R3HDM2: variants seen among roughly 807,000 people sequenced by gnomAD.
R3HDM2 encodes the protein R3H domain containing 2.
A neutral mutation model predicts 124.5 loss-of-function variants in R3HDM2; 38 were observed. The observed-to-expected ratio is 0.31, with a 90% CI of 0.24 to 0.40. R3HDM2 has a LOEUF of 0.40. Ranked by LOEUF, R3HDM2 falls within the 10% of genes least tolerant of loss-of-function variation. R3HDM2 has a pLI of 1.00. For missense variants in R3HDM2, 869 were observed against 1,236.9 expected (o/e 0.70, Z 4.46); for synonymous variants, 391 against 448.0 (o/e 0.87, Z 1.61).
chr12:57,386,227 T>C (rs767656578), intron 2 of R3HDM2, among the ~76,000 whole-genome samples: 20 of 152,188 alleles, frequency 1.3e-4, no homozygotes, highest in Non-Finnish European at 2.6e-4. Context: ...GAGGAGCCCT[T>C]CAGCCCACCG....
chr12:57,418,060 C>T, intron 1 of R3HDM2: 1 of 638,134 alleles, frequency 1.6e-6, no homozygotes, highest in Non-Finnish European at 1.9e-6. Context: ...CACTCCAGAT[C>T]CATTTAGACA....
At chr12:57,415,279 TA>T (rs1203462708) in intron 1 of R3HDM2, 1 of 152,106 alleles carries the variant, frequency 6.6e-6, no homozygotes, top group African/African-American at 2.4e-5. Context: ...AAAATCAACA[TA>T]TTCAAAGCAC....
At position 57,348,711 on chromosome 12, in the gene R3HDM2, AAAAAAAAAAAG is replaced by A. The variant is rs1329264507; in HGVS notation, c.-35-38259_-35-38249del. ...TCCGTCTCAAAAAAAAAAAAAAAAA[AAAAAAAAAAAG>A]AGAGAGAAAAATTAGCCAGGCATGG... On this transcript the variant is annotated intron_variant, in intron 2 of 23. Transcript: ENST00000402412. Among the ~76,000 whole-genome samples, 289 of 44,092 alleles carry A rather than the reference AAAAAAAAAAAG, an allele frequency of 6.6e-3. 17 individuals carry two copies. In the East Asian group the frequency reaches 0.26, roughly 40 times the overall value. 28.9% of individuals were successfully genotyped at this position (44,092 alleles called of 152,430 possible).
intron 15 of R3HDM2, 113 bp downstream of exon 15, chr12:57,269,639 T>C (rs2043170715): frequency 6.6e-7 from 1 of 1,507,618 alleles, no homozygotes; most frequent in African/African-American, 1.4e-5. Flanking sequence ...AACTCTCAAG[T>C]GCAAGGTAGG....
chr12:57,283,397 G>T (rs1207746183), intron 13 of R3HDM2, among the ~76,000 whole-genome samples: 1 of 152,008 alleles, frequency 6.6e-6, no homozygotes, highest in Admixed American at 6.6e-5. Flanking sequence ...CCCTTCCCCT[G>T]GCTGTATTAG....
At chr12:57,315,269 C>T (rs1253535487) in intron 2 of R3HDM2, among the ~76,000 whole-genome samples, 2 of 152,110 alleles carry the variant, frequency 1.3e-5, no homozygotes, top group Non-Finnish European at 2.9e-5. Flanking sequence ...AACTCCTGAC[C>T]TCAGGTGATC....
intron 18 of R3HDM2, among the ~76,000 whole-genome samples, chr12:57,267,636 T>A (rs2042771789): frequency 6.6e-6 from 1 of 152,034 alleles, no homozygotes; most frequent in Admixed American, 6.6e-5. Context: ...CAAAACAACC[T>A]GGAGACATAT....
At chr12:57,425,314 A>G (rs1190692343) in intron 1 of R3HDM2, among the ~76,000 whole-genome samples, 2 of 152,166 alleles carry the variant, frequency 1.3e-5, no homozygotes, top group Non-Finnish European at 2.9e-5. Flanking sequence ...AACTACTAAT[A>G]TAATTCTAGA....
At chr12:57,324,027 A>G (rs371255408) in intron 2 of R3HDM2, among the ~76,000 whole-genome samples, 11 of 150,906 alleles carry the variant, frequency 7.3e-5, no homozygotes, top group African/African-American at 2.5e-4. Context: ...CCCAGAGAAG[A>G]TATCTGGAAA....
chr12:57,430,482 C>CG, intron 1 of R3HDM2: 1 of 811,370 alleles, frequency 1.2e-6, no homozygotes, highest in Non-Finnish European at 1.5e-6. Flanking sequence ...GGTGGCGCCA[C>CG]CCCCCTGCCC....
At chr12:57,331,353 C>T (rs2058162460) in intron 2 of R3HDM2, among the ~76,000 whole-genome samples, 1 of 152,172 alleles carries the variant, frequency 6.6e-6, no homozygotes, top group Non-Finnish European at 1.5e-5. Context: ...TTCTTTGACC[C>T]TATCTCTTAC....
intron 2 of R3HDM2, among the ~76,000 whole-genome samples, chr12:57,331,226 G>A (rs1223012195): frequency 2.6e-5 from 4 of 152,026 alleles, no homozygotes; most frequent in Admixed American, 6.6e-5. Context: ...GTGTAAAAAC[G>A]TTGTTAGGTC....
chr12:57,418,427 G>T, intron 1 of R3HDM2: 1 of 699,828 alleles, frequency 1.4e-6, no homozygotes, highest in Non-Finnish European at 1.8e-6. Flanking sequence ...CTTTGTCCTT[G>T]TACAACTAAA....
intron 18 of R3HDM2, among the ~76,000 whole-genome samples, chr12:57,267,569 G>T (rs1201384034): frequency 6.6e-6 from 1 of 151,702 alleles, no homozygotes; most frequent in East Asian, 1.9e-4. Context: ...GAAAAGAAAA[G>T]TCAAAAACAA....
At chr12:57,312,756 CCT>C (rs1373191207) in intron 2 of R3HDM2, among the ~76,000 whole-genome samples, 2 of 151,734 alleles carry the variant, frequency 1.3e-5, no homozygotes, top group African/African-American at 4.8e-5. Flanking sequence ...TTGCATCCAG[CCT>C]TAAATTCTTT....
At chr12:57,407,966 G>A (rs2068677169) in intron 1 of R3HDM2, among the ~76,000 whole-genome samples, 1 of 151,940 alleles carries the variant, frequency 6.6e-6, no homozygotes, top group South Asian at 2.1e-4. Flanking sequence ...GTCTCACTCT[G>A]TTGCCCAGGC....
chr12:57,262,142 T>C (rs1340261621), intron 19 of R3HDM2, among the ~76,000 whole-genome samples: 1 of 152,214 alleles, frequency 6.6e-6, no homozygotes, highest in African/African-American at 2.4e-5. Flanking sequence ...CACAGGCATC[T>C]TTCCCAAATT....
intron 2 of R3HDM2, among the ~76,000 whole-genome samples, chr12:57,359,049 C>T (rs999237293): frequency 6.6e-6 from 1 of 152,016 alleles, no homozygotes; most frequent in Admixed American, 6.6e-5. Context: ...TCCCGAGTAG[C>T]TGGGACTACA....
chr12:57,268,061 A>G, intron 18 of R3HDM2: 1 of 331,066 alleles, frequency 3.0e-6, no homozygotes, highest in East Asian at 4.9e-5. Flanking sequence ...AAAAATAAAA[A>G]TGGAGGAAAT....
Sources: allele counts gnomAD v4.1 joint callset (sites outside exome capture counted in the v4.1 genomes callset), GRCh38; gene constraint gnomAD v4.1.1; transcripts MANE v1.5; gene names NCBI Gene and HGNC (gene_info 2026-07-23, HGNC 2026-07-21).